Variants in ZFAND6 observed in about 807,000 individuals in gnomAD.
The protein encoded by ZFAND6 is zinc finger AN1-type containing 6.
In ZFAND6, 12 loss-of-function variants were observed where a neutral mutation model predicts 24.5. That is an observed-to-expected ratio of 0.49 (90% CI 0.31 to 0.79). The LOEUF (loss-of-function observed/expected upper bound fraction) is 0.79, where lower values mean the gene tolerates loss of function less well. Among genes scored for constraint, ZFAND6 ranks in the 30% least tolerant of loss-of-function variants. The pLI is 0.04. For synonymous variants in ZFAND6, 92 were observed against 81.5 expected (o/e 1.13, Z -0.69); for missense variants, 207 against 245.9 (o/e 0.84, Z 1.06).
chr15:80,075,419 C>G, intron 1 of ZFAND6: 1 of 175,878 alleles, frequency 5.7e-6, no homozygotes, highest in Non-Finnish European at 1.2e-5. Context: ...AACTGTAATT[C>G]TGCAGTACTA....
At chr15:80,074,860 T>TA (rs1196948448) in intron 1 of ZFAND6, among the ~76,000 whole-genome samples, 3 of 152,042 alleles carry the variant, frequency 2.0e-5, no homozygotes, top group African/African-American at 4.8e-5. Context: ...TAAGTTGTGT[T>TA]AAAATCAAAG....
chr15:80,098,288 ACTTTTT>A (rs1195919342), intron 1 of ZFAND6, 122 bp from the exon 2 acceptor site: 9 of 152,178 alleles, frequency 5.9e-5, no homozygotes, highest in Non-Finnish European at 1.2e-4. Context: ...TTTATTTTTC[ACTTTTT>A]CTTCAGCCAC....
intron 1 of ZFAND6, among the ~76,000 whole-genome samples, chr15:80,065,924 G>T (rs1462856423): frequency 6.6e-6 from 1 of 152,046 alleles, no homozygotes; most frequent in East Asian, 1.9e-4. Flanking sequence ...TAATCCTATT[G>T]AATGTTCCTC....
chr15:80,131,458 T>C (rs2040598868), intron 6 of ZFAND6, 165 bp downstream of exon 6: 2 of 537,114 alleles, frequency 3.7e-6, no homozygotes, highest in African/African-American at 3.8e-5. Context: ...GCTTTGATTA[T>C]ACACCTAAAA....
At chr15:80,092,957 ATTT>A (rs34614890) in intron 1 of ZFAND6, among the ~76,000 whole-genome samples, 2 of 141,936 alleles carry the variant, frequency 1.4e-5, no homozygotes, top group Non-Finnish European at 3.1e-5. Flanking sequence ...GGCTACTACA[ATTT>A]TTTTTTTTTT....
chr15:80,117,410 G>A (rs2039929011), intron 2 of ZFAND6, among the ~76,000 whole-genome samples: 1 of 152,108 alleles, frequency 6.6e-6, no homozygotes. Flanking sequence ...TTTTAGTAGA[G>A]ACGGGGTTTC....
Position 80,128,992 on chromosome 15 carries a change from G to T in ZFAND6, c.365-2188G>T, listed in dbSNP as rs546039017. Among the ~76,000 whole-genome samples, 5 of 152,192 alleles carry T rather than the reference G, an allele frequency of 3.3e-5. No individual in the cohort carries two copies. The East Asian group carries it at 9.6e-4, about 29-fold the overall frequency. On this transcript the variant is annotated intron_variant, in intron 5 of 6. Coordinates refer to ENST00000261749, the MANE Select transcript of ZFAND6 (RefSeq NM_019006.4). ...TGATAATGTTACTGCCATTAAATGG[G>T]TTTTTTTGAATTTTTCTGGAGAACA...
At chr15:80,065,172 A>G (rs756564260) in intron 1 of ZFAND6, among the ~76,000 whole-genome samples, 22 of 151,098 alleles carry the variant, frequency 1.5e-4, no homozygotes, top group Non-Finnish European at 2.8e-4. Flanking sequence ...CATATTTCAC[A>G]TCTGTCTTTT....
At chr15:80,097,295 C>T (rs563409647) in intron 1 of ZFAND6, among the ~76,000 whole-genome samples, 12 of 152,094 alleles carry the variant, frequency 7.9e-5, no homozygotes, top group East Asian at 7.8e-4. Context: ...CCACTGCGTC[C>T]GGCATGTGTC....
In ZFAND6 at chr15:80,078,948, T is replaced by TA. The variant is rs368636621; in HGVS notation, c.-181+19140dup. 9.9e-5 allele frequency among the ~76,000 whole-genome samples: 15 copies of TA among 152,230 alleles called. No homozygotes were observed. The East Asian group carries it at 2.9e-3, about 29-fold the overall frequency. On this transcript the variant is annotated intron_variant, in intron 1 of 6. Transcript: ENST00000261749. ...ACATGTGCACAGTGTGCGGGTTAGTTACATATGTATACATGTGCCATGCTG... is the reference window on the plus strand; with the variant it reads ...ACATGTGCACAGTGTGCGGGTTAGTTAACATATGTATACATGTGCCATGCTG...
At chr15:80,126,502 A>G (rs939283847) in intron 5 of ZFAND6, among the ~76,000 whole-genome samples, 1 of 152,232 alleles carries the variant, frequency 6.6e-6, no homozygotes, top group Admixed American at 6.5e-5. Context: ...TTTATGGGCC[A>G]TTGACTTTCA....
At chr15:80,096,205 C>T (rs867316288) in intron 1 of ZFAND6, among the ~76,000 whole-genome samples, 21 of 152,142 alleles carry the variant, frequency 1.4e-4, no homozygotes, top group Admixed American at 1.2e-3. Flanking sequence ...GAAGATTAAG[C>T]GTGCATGTAA....
intron 2 of ZFAND6, chr15:80,111,535 A>G (rs1254632087): frequency 2.2e-6 from 1 of 456,070 alleles, no homozygotes; most frequent in South Asian, 1.5e-5. Flanking sequence ...CTATCTTCAG[A>G]TGCAAACAAT....
intron 2 of ZFAND6, among the ~76,000 whole-genome samples, chr15:80,101,174 T>C (rs1372063503): frequency 6.6e-6 from 1 of 152,130 alleles, no homozygotes; most frequent in Non-Finnish European, 1.5e-5. Context: ...TAGAAATCTT[T>C]ACTCCCGGCT....
chr15:80,108,383 A>G (rs1289657603), intron 2 of ZFAND6, among the ~76,000 whole-genome samples: 1 of 152,138 alleles, frequency 6.6e-6, no homozygotes, highest in Non-Finnish European at 1.5e-5. Context: ...GCAAAGAGGG[A>G]ATAAAAAGCC....
upstream of ZFAND6, chr15:80,059,570 T>C: frequency 6.6e-6 from 1 of 151,738 alleles, no homozygotes; most frequent in East Asian, 2.0e-4. Flanking sequence ...GCGCCGGTAA[T>C]AATTAGCGGG....
chr15:80,127,147 G>GA (rs1485776232), intron 5 of ZFAND6, among the ~76,000 whole-genome samples: 7 of 151,744 alleles, frequency 4.6e-5, no homozygotes, highest in Non-Finnish European at 1.0e-4. Context: ...CAGAATGAGA[G>GA]AAAAAATACT....
intron 1 of ZFAND6, among the ~76,000 whole-genome samples, chr15:80,076,602 G>A (rs2037294241): frequency 6.6e-6 from 1 of 152,110 alleles, no homozygotes; most frequent in Non-Finnish European, 1.5e-5. Context: ...CTCTCAGATG[G>A]TCCCCACGCT....
In ZFAND6 at chr15:80,137,520, C is replaced by G; in HGVS notation, c.519C>G (p.His173Gln). Residue 173 changes from histidine (H) to glutamine (Q), a missense_variant, in exon 7 of 7, where the codon CAC becomes CAG. Physicochemically the swap from His to Gln is conservative, Grantham distance 24 (BLOSUM62 0). Transcript: ENST00000261749. ...GTGGAAATGTTTACTGTGGTGTACA[C>G]CGTTACTCAGATGTACACAATTGCT... is the stretch of plus-strand genomic sequence containing the variant. ...CRCGNVYCGV[H>Q]RYSDVHNCSY... 1 of 1,607,356 alleles carries G rather than the reference C, an allele frequency of 6.2e-7. No homozygotes were observed. Among genetic ancestry groups the G allele is most frequent in the Non-Finnish European group, 8.5e-7 (1 of 1,178,206 alleles).
Sources: allele counts gnomAD v4.1 joint callset (sites outside exome capture counted in the v4.1 genomes callset), GRCh38; gene constraint gnomAD v4.1.1; transcripts MANE v1.5; gene names NCBI Gene and HGNC (gene_info 2026-07-23, HGNC 2026-07-21).